PLEKHG3: variants seen among roughly 807,000 people sequenced by gnomAD.
The protein encoded by PLEKHG3 is pleckstrin homology domain-containing family G member 3.
A neutral mutation model predicts 94.9 loss-of-function variants in PLEKHG3; 62 were observed. The observed-to-expected ratio is 0.65, with a 90% CI of 0.53 to 0.81. The LOEUF is 0.81. PLEKHG3 is among the 30% of genes least tolerant of loss of function. The pLI is 0.00. For synonymous variants in PLEKHG3, 614 were observed against 654.0 expected (o/e 0.94, Z 0.93); for missense variants, 1,461 against 1,619.3 (o/e 0.90, Z 1.68).
Position 64,728,046 on chromosome 14 carries a change from G to A in PLEKHG3, c.351+64G>A, listed in dbSNP as rs2081387951. 4.8e-6 allele frequency: 5 copies of A among 1,038,884 alleles called. No homozygotes were observed. The highest frequency in any genetic ancestry group is 6.8e-6 in the Non-Finnish European group (5 of 732,240). 64.4% of individuals were successfully genotyped at this position (1,038,884 alleles called of 1,614,324 possible). A position where few individuals can be genotyped will look rare whatever the true frequency, so the allele number is the denominator to read the frequency against. ...AAGCCTGTTTCACCCTGGGAGGGAA[G>A]CTCTCAAAAGACCTGCTTCCCATAA... On this transcript the variant is annotated intron_variant, in intron 2 of 16. Transcript: ENST00000247226. The surrounding 1 kb of genome is among the most constrained non-coding windows in gnomAD (Gnocchi z 5.9).
intron 12 of PLEKHG3, among the ~76,000 whole-genome samples, chr14:64,733,159 T>TTTTC (rs2081505890): frequency 7.4e-6 from 1 of 134,454 alleles, no homozygotes; most frequent in African/African-American, 3.1e-5. Flanking sequence ...TTTTCTTTTC[T>TTTTC]TTTTCTTTTT....
rs1174551557 is a variant in PLEKHG3, at chr14:64,730,934, C to T, written c.702C>T (p.Tyr234=). 6 of 1,613,018 alleles carry T rather than the reference C, an allele frequency of 3.7e-6. No homozygotes were observed. The highest frequency in any genetic ancestry group is 5.1e-6 in the Non-Finnish European group (6 of 1,179,850). Residue 234 remains tyrosine, a synonymous_variant, in exon 6 of 17, where the codon TAC becomes TAT. Coordinates refer to ENST00000247226, the MANE Select transcript of PLEKHG3 (RefSeq NM_001308147.2). This position sits in a 1 kb window ranked among gnomAD's most constrained non-coding sequence, Gnocchi z 5.4. ...AGCCAGTCCAGCGCATCCTCAAGTA[C>T]CACCTGCTGCTCCAGGTAGCCCCTC... ...LLKPVQRILK[Y]HLLLQEIAKH...
At chr14:64,714,832 C>T (rs768266913) in intron 1 of PLEKHG3, among the ~76,000 whole-genome samples, 18 of 152,012 alleles carry the variant, frequency 1.2e-4, no homozygotes, top group Non-Finnish European at 2.5e-4. Flanking sequence ...CTGTGTGCTT[C>T]CACCTTCTGG....
At position 64,727,981 on chromosome 14, in the gene PLEKHG3, A is replaced by C; in HGVS notation, c.350A>C (p.Glu117Ala). ...GTACAGGACCTGCGCAGCATCGTGG[A>C]GGTGCGTGTCGGAGGCCTTGCGGCA... is the stretch of plus-strand genomic sequence containing the variant. Reference protein sequence around the residue: ...MYVQDLRSIVEDYLLKIIDTP... With the variant: ...MYVQDLRSIVADYLLKIIDTP... Residue 117 changes from glutamate to alanine, a missense_variant and splice_region_variant, in exon 2 of 17, where the codon GAG (glutamate) becomes GCG (alanine). Around this residue, in one of 3 missense-constraint regions of PLEKHG3, gnomAD observed 253 missense variants for 297.8 expected, o/e 0.85. Transcript: ENST00000247226. This position sits in a 1 kb window ranked among gnomAD's most constrained non-coding sequence, Gnocchi z 6.0. 2 of 1,555,538 alleles carry C rather than the reference A, an allele frequency of 1.3e-6. No individual in the cohort carries two copies. Among genetic ancestry groups the C allele is most frequent in the Non-Finnish European group, 1.8e-6 (2 of 1,140,988 alleles).
chr14:64,750,206 G>C lies in PLEKHG3; in HGVS notation c.*6503G>C. The stretch of plus-strand genomic sequence containing the variant: ...CCCACATCCTGATATGGTATCTCTA[G>C]AGTCAATTCCTATAGCTTCACCATT... On this transcript the variant is annotated 3_prime_UTR_variant, in exon 17 of 17. Transcript: ENST00000247226. The C allele has an allele frequency of 6.3e-7, 1 of 1,578,444 alleles. No individual in the cohort carries two copies. The highest frequency in any genetic ancestry group is 1.1e-5 in the South Asian group (1 of 87,468).
chr14:64,742,939 CCCTCCCG>C, intron 16 of PLEKHG3, 36 bp from the exon 17 acceptor site: 2 of 1,608,620 alleles, frequency 1.2e-6, no homozygotes, highest in Non-Finnish European at 1.7e-6. Context: ...TGCAGCTCTG[CCCTCCCG>C]CCCCATGCTT....
chr14:64,748,559 T>C lies in PLEKHG3; in HGVS notation c.*4856T>C, dbSNP rs1194935319. ...CCGCCTGTGGTGGCACAAAGGGTGC[T>C]AGAGGCACTCAGCCAGGCCCTGCCA... On this transcript the variant is annotated 3_prime_UTR_variant, in exon 17 of 17. Coordinates refer to ENST00000247226, the MANE Select transcript of PLEKHG3 (RefSeq NM_001308147.2). 1 of 152,538 alleles carries C rather than the reference T, an allele frequency of 6.6e-6. No individual in the cohort carries two copies. The highest frequency in any genetic ancestry group is 1.5e-5 in the Non-Finnish European group (1 of 68,294). 9.4% of individuals were successfully genotyped at this position (152,538 alleles called of 1,614,324 possible).
chr14:64,729,238 C>G, intron 3 of PLEKHG3, 145 bp downstream of exon 3: 1 of 554,400 alleles, frequency 1.8e-6, no homozygotes, highest in Non-Finnish European at 3.2e-6. Flanking sequence ...AAGGGTTGTC[C>G]ATCTCTGTGC....
In PLEKHG3 at chr14:64,725,334, G is replaced by T. The variant is rs1308857719; in HGVS notation, c.-39-2259G>T. 6.8e-6 allele frequency among the ~76,000 whole-genome samples: 1 copy of T among 146,402 alleles called. No homozygotes were observed. Among genetic ancestry groups the T allele is most frequent in the Non-Finnish European group, 1.5e-5 (1 of 66,334 alleles). On this transcript the variant is annotated intron_variant, in intron 1 of 16. Transcript: ENST00000247226. The surrounding 1 kb of genome is among the most constrained non-coding windows in gnomAD (Gnocchi z 5.0). ...CTGACCCCAGATGTGATCTGGGAAA[G>T]GTCTTAGGCTGTAAATCCCTGCCCC...
Position 64,727,503 on chromosome 14 carries a change from CCCACCTG to C in PLEKHG3, c.-39-87_-39-81del. ...GATGCACTAAATAATACCTTCCCACCCCACCTGCCCCCACCCCTGGCAACCGTCCCTC... is the reference window on the plus strand; with the variant it reads ...GATGCACTAAATAATACCTTCCCACCCCCCCACCCCTGGCAACCGTCCCTC... On this transcript the variant is annotated intron_variant, in intron 1 of 16. Transcript: ENST00000247226. The surrounding 1 kb of genome is among the most constrained non-coding windows in gnomAD (Gnocchi z 6.0). 5.6e-5 allele frequency: 25 copies of C among 446,546 alleles called. No individual in the cohort carries two copies. The highest frequency in any genetic ancestry group is 1.8e-4 in the East Asian group (4 of 21,910). The allele number at this position is 446,546 out of a possible 1,614,324, so 27.7% of individuals were successfully genotyped here. A position where few individuals can be genotyped will look rare whatever the true frequency, so the allele number is the denominator to read the frequency against.
At position 64,727,085 on chromosome 14, in the gene PLEKHG3, G is replaced by A. The variant is rs1407565829; in HGVS notation, c.-39-508G>A. On this transcript the variant is annotated intron_variant, in intron 1 of 16. Coordinates refer to ENST00000247226, the MANE Select transcript of PLEKHG3 (RefSeq NM_001308147.2). The surrounding 1 kb of genome is among the most constrained non-coding windows in gnomAD (Gnocchi z 6.0). ...CCAGGCATCATGCTCAGAGCTTTAC[G>A]AACAGCAGGTGGCTTCATCTGGGAG... Among the ~76,000 whole-genome samples, 1 of 152,122 alleles carries A rather than the reference G, an allele frequency of 6.6e-6. No homozygotes were observed. The highest frequency in any genetic ancestry group is 1.5e-5 in the Non-Finnish European group (1 of 68,014).
Position 64,737,417 on chromosome 14 carries a change from G to A in PLEKHG3, c.1404+42G>A, listed in dbSNP as rs1466650531. On this transcript the variant is annotated intron_variant, in intron 14 of 16. Coordinates refer to ENST00000247226, the MANE Select transcript of PLEKHG3 (RefSeq NM_001308147.2). ...GGAGGGGACTGGCTGACAGAGGAGG[G>A]TGGGACTGCCCAGGTCAGCCCCCGG... 7 of 1,480,470 alleles carry A rather than the reference G, an allele frequency of 4.7e-6. No individual in the cohort carries two copies. In the Admixed American group the frequency reaches 6.0e-5, roughly 13 times the overall value. 91.7% of individuals were successfully genotyped at this position (1,480,470 alleles called of 1,614,324 possible).
At position 64,739,108 on chromosome 14, in the gene PLEKHG3, A is replaced by AC. The variant is rs1193307926; in HGVS notation, c.1518+254dup. ...GCAGATGCAGTCCCATGTCAAGGGC[A>AC]CGCAGCTAGTGGAAATGAACCAGGT... On this transcript the variant is annotated intron_variant, in intron 15 of 16. Coordinates refer to ENST00000247226, the MANE Select transcript of PLEKHG3 (RefSeq NM_001308147.2). The surrounding 1 kb of genome is among the most constrained non-coding windows in gnomAD (Gnocchi z 4.1). Among the ~76,000 whole-genome samples the AC allele has an allele frequency of 1.3e-5, 2 of 152,190 alleles. No individual in the cohort carries two copies. The highest frequency in any genetic ancestry group is 4.8e-5 in the African/African-American group (2 of 41,436).
Position 64,747,900 on chromosome 14 carries a change from G to GAAAATATGGAA in PLEKHG3, c.*4198_*4208dup. ...GTTGCTTTCGGAGTAGAGTGGTGGG[G>GAAAATATGGAA]AAAATATGGAATGAGCTTTCTCTTC... On this transcript the variant is annotated 3_prime_UTR_variant, in exon 17 of 17. Coordinates refer to ENST00000247226, the MANE Select transcript of PLEKHG3 (RefSeq NM_001308147.2). 1 of 151,716 alleles carries GAAAATATGGAA rather than the reference G, an allele frequency of 6.6e-6. No individual in the cohort carries two copies. Among genetic ancestry groups the GAAAATATGGAA allele is most frequent in the East Asian group, 2.0e-4 (1 of 5,124 alleles). The allele number at this position is 151,716 out of a possible 1,614,324, so 9.4% of individuals were successfully genotyped here.
intron 1 of PLEKHG3, among the ~76,000 whole-genome samples, chr14:64,719,256 G>A (rs1039286992): frequency 6.6e-6 from 1 of 151,808 alleles, no homozygotes; most frequent in African/African-American, 2.4e-5. Context: ...TTTGAGATGT[G>A]GGTCAAACAT....
Position 64,731,195 on chromosome 14 carries a change from GA to G in PLEKHG3, c.849+27del. 1.3e-6 allele frequency: 2 copies of G among 1,554,390 alleles called. No individual in the cohort carries two copies. The highest frequency in any genetic ancestry group is 1.8e-6 in the Non-Finnish European group (2 of 1,129,370). ...GTGCTCTGGGGCTGGGACGCTGGGG[GA>G]GGGGCAGGGCTGGGTGGGCCAGGCT... On this transcript the variant is annotated intron_variant, in intron 7 of 16. Coordinates refer to ENST00000247226, the MANE Select transcript of PLEKHG3 (RefSeq NM_001308147.2). The surrounding 1 kb of genome is among the most constrained non-coding windows in gnomAD (Gnocchi z 6.1).
intron 1 of PLEKHG3, among the ~76,000 whole-genome samples, chr14:64,705,594 C>T (rs2080958537): frequency 6.6e-6 from 1 of 152,142 alleles, no homozygotes; most frequent in Non-Finnish European, 1.5e-5. Context: ...ACGGGGAACC[C>T]TGGAGTGGGG....
At position 64,731,214 on chromosome 14, in the gene PLEKHG3, G is replaced by T. The variant is rs765769424; in HGVS notation, c.849+45G>T. On this transcript the variant is annotated intron_variant, in intron 7 of 16. Transcript: ENST00000247226. The surrounding 1 kb of genome is among the most constrained non-coding windows in gnomAD (Gnocchi z 6.1). ...CTGGGGGAGGGGCAGGGCTGGGTGG[G>T]CCAGGCTTCCGCTGGGAAGAGGGAC... The T allele has an allele frequency of 4.6e-6, 7 of 1,517,996 alleles. No homozygotes were observed. Among genetic ancestry groups the T allele is most frequent in the Admixed American group, 1.7e-5 (1 of 58,178 alleles). The allele number at this position is 1,517,996 out of a possible 1,614,324, so 94.0% of individuals were successfully genotyped here. A position where few individuals can be genotyped will look rare whatever the true frequency, so the allele number is the denominator to read the frequency against.
chr14:64,727,611 TC>T lies in PLEKHG3; in HGVS notation c.-17del. On this transcript the variant is annotated 5_prime_UTR_variant, in exon 2 of 17. Transcript: ENST00000247226. The surrounding 1 kb of genome is among the most constrained non-coding windows in gnomAD (Gnocchi z 6.0). ...GTTGCAGAATCTCCCTGGGGTGCCC[TC>T]CCCAGGCAGCAATGCCAGGATGCCT... is the stretch of plus-strand genomic sequence containing the variant. 2 of 1,438,734 alleles carry T rather than the reference TC, an allele frequency of 1.4e-6. No individual in the cohort carries two copies. Among genetic ancestry groups the T allele is most frequent in the Non-Finnish European group, 1.9e-6 (2 of 1,031,944 alleles). The allele number at this position is 1,438,734 out of a possible 1,614,324, so 89.1% of individuals were successfully genotyped here.
Sources: allele counts gnomAD v4.1 joint callset (sites outside exome capture counted in the v4.1 genomes callset), GRCh38; gene constraint gnomAD v4.1.1; regional missense constraint gnomAD v4.1.1; non-coding constraint Gnocchi (gnomAD v3.1); transcripts MANE v1.5; gene names NCBI Gene and HGNC (gene_info 2026-07-23, HGNC 2026-07-21).